Variants in SLC13A3 observed in about 807,000 individuals in gnomAD.
The protein encoded by SLC13A3 is solute carrier family 13 member 3, also known as Na(+)/dicarboxylate cotransporter 3.
In SLC13A3, 40 loss-of-function variants were observed where a neutral mutation model predicts 59.0. The observed-to-expected ratio is 0.68, with a 90% confidence interval of 0.53 to 0.88. The LOEUF (loss-of-function observed/expected upper bound fraction) is 0.88. Among genes scored for constraint, SLC13A3 ranks in the 40% least tolerant of loss-of-function variants. The pLI is 0.00. For missense variants in SLC13A3, 699 were observed against 783.2 expected (o/e 0.89, Z 1.28); for synonymous variants, 317 against 330.3 (o/e 0.96, Z 0.44).
intron 1 of SLC13A3, among the ~76,000 whole-genome samples, chr20:46,622,615 T>TGTGC (rs1411316097): frequency 1.2e-5 from 1 of 86,346 alleles, no homozygotes; most frequent in Non-Finnish European, 2.4e-5. Context: ...TGGTGTGTGG[T>TGTGC]GTGTGCGTGT....
upstream of SLC13A3, among the ~76,000 whole-genome samples, chr20:46,672,968 C>G (rs1439398455): frequency 6.6e-6 from 1 of 152,122 alleles, no homozygotes; most frequent in Admixed American, 6.5e-5. Context: ...CACTCTAATT[C>G]TTGCCCCACA....
intron 1 of SLC13A3, among the ~76,000 whole-genome samples, chr20:46,645,357 G>C (rs1037847043): frequency 6.6e-6 from 1 of 152,160 alleles, no homozygotes; most frequent in Non-Finnish European, 1.5e-5. Context: ...TTAGGACACC[G>C]ACACCTTTGG....
At chr20:46,628,504 C>A (rs1385399321) in intron 1 of SLC13A3, among the ~76,000 whole-genome samples, 3 of 152,118 alleles carry the variant, frequency 2.0e-5, no homozygotes, top group Non-Finnish European at 4.4e-5. Context: ...AAGACAGGTG[C>A]CACAGGGAAG....
chr20:46,625,628 C>T (rs752629277), intron 1 of SLC13A3, among the ~76,000 whole-genome samples: 1 of 152,232 alleles, frequency 6.6e-6, no homozygotes. Context: ...TCAATTCCCA[C>T]ATCCTCTCCA....
At chr20:46,623,483 A>G (rs1316242524) in intron 1 of SLC13A3, among the ~76,000 whole-genome samples, 2 of 152,046 alleles carry the variant, frequency 1.3e-5, no homozygotes, top group East Asian at 3.9e-4. Flanking sequence ...CTCCCATCTC[A>G]GCCTCCCAAG....
rs906113007 is a variant in SLC13A3 at position 46,575,502 on chromosome 20, A to AGCCAG, written c.1332+66_1332+70dup. On this transcript the variant is annotated intron_variant, in intron 10 of 12. Coordinates refer to ENST00000279027, the MANE Select transcript of SLC13A3 (RefSeq NM_022829.6). Reference sequence around the variant, plus strand: ...TCACCTGCTCTGATCCTGGTGCTGCAGCCAGCACTGGGACCCGCCCACACC... The same window carrying AGCCAG: ...TCACCTGCTCTGATCCTGGTGCTGCAGCCAGGCCAGCACTGGGACCCGCCCACACC... The AGCCAG allele has an allele frequency of 3.6e-6, 3 of 841,550 alleles. No individual in the cohort carries two copies. The African/African-American group carries it at 5.1e-5, about 14-fold the overall frequency. 52.1% of individuals were successfully genotyped at this position (841,550 alleles called of 1,614,324 possible). A position where few individuals can be genotyped will look rare whatever the true frequency, so the allele number is the denominator to read the frequency against.
chr20:46,653,517 A>C (rs956832889), upstream of SLC13A3, among the ~76,000 whole-genome samples: 2 of 152,220 alleles, frequency 1.3e-5, no homozygotes, highest in African/African-American at 4.8e-5. Flanking sequence ...AAACAAACAA[A>C]CAAACAAAAA....
Position 46,592,445 on chromosome 20 carries a change from G to T in SLC13A3, c.879C>A (p.Gly293=). Residue 293 remains glycine (G), a synonymous_variant, in exon 6 of 13, where the codon GGC becomes GGA. Coordinates refer to ENST00000279027, the MANE Select transcript of SLC13A3 (RefSeq NM_022829.6). ...CGTACAGGAAGGAGATCCAGAGCCA[G>T]CCTGCCAACAGGAACAACAGCATAA... The part of the protein sequence containing the change: ...FPLMLLFLLA[G]WLWISFLYGG... 6.2e-7 allele frequency: 1 copy of T among 1,613,994 alleles called. No homozygotes were observed. The highest frequency in any genetic ancestry group is 8.5e-7 in the Non-Finnish European group (1 of 1,179,920).
chr20:46,583,325 C>T, intron 9 of SLC13A3: 1 of 1,075,552 alleles, frequency 9.3e-7, no homozygotes, highest in East Asian at 3.6e-5. Flanking sequence ...CTGTGCTTAG[C>T]TCACAGGCTG....
intron 1 of SLC13A3, among the ~76,000 whole-genome samples, chr20:46,628,253 T>C (rs1054679524): frequency 6.6e-6 from 1 of 152,160 alleles, no homozygotes; most frequent in Non-Finnish European, 1.5e-5. Flanking sequence ...TGCAGACTTA[T>C]TTTCTGGGTC....
chr20:46,646,513 T>C (rs1359699175), intron 1 of SLC13A3, among the ~76,000 whole-genome samples: 1 of 152,200 alleles, frequency 6.6e-6, no homozygotes. Context: ...CTTCCCCTAA[T>C]TCTCGTAACA....
intron 9 of SLC13A3, among the ~76,000 whole-genome samples, chr20:46,578,441 C>A (rs2062100525): frequency 1.3e-5 from 2 of 151,696 alleles, no homozygotes; most frequent in African/African-American, 4.8e-5. Flanking sequence ...TTTGGGAGGA[C>A]AAGGTGGGCG....
rs149651829 is a variant in SLC13A3 at position 46,592,108 on chromosome 20, G to A, written c.920+296C>T. Among the ~76,000 whole-genome samples the A allele has an allele frequency of 6.2e-3, 945 of 152,238 alleles. 7 individuals carry two copies. Among genetic ancestry groups the A allele is most frequent in the African/African-American group, 0.021 (889 of 41,524 alleles). On this transcript the variant is annotated intron_variant, in intron 6 of 12. Transcript: ENST00000279027. ...CTTGCCTGTAGTCTCAGCTACTTGGGAGGCTGAGGCCAGAGGAACACTGAA... is the reference window on the plus strand; with the variant it reads ...CTTGCCTGTAGTCTCAGCTACTTGGAAGGCTGAGGCCAGAGGAACACTGAA...
At chr20:46,584,474 A>G in intron 8 of SLC13A3, 1 of 985,480 alleles carries the variant, frequency 1.0e-6, no homozygotes, top group Non-Finnish European at 1.2e-6. Context: ...AACAAAGCCT[A>G]GAGCTCACTG....
intron 3 of SLC13A3, among the ~76,000 whole-genome samples, chr20:46,600,313 G>GAGGGAAGGAA (rs1568929914): frequency 0.026 from 3,232 of 123,836 alleles, 189 homozygotes; most frequent in African/African-American, 0.096. Context: ...GAAAGAAAGA[G>GAGGGAAGGAA]GGAAGGAAGG....
chr20:46,591,776 C>T (rs2062260195), intron 6 of SLC13A3, among the ~76,000 whole-genome samples: 1 of 152,190 alleles, frequency 6.6e-6, no homozygotes, highest in Non-Finnish European at 1.5e-5. Flanking sequence ...CTCCCCTCTT[C>T]TCTGGTCAAG....
intron 6 of SLC13A3, among the ~76,000 whole-genome samples, chr20:46,589,548 G>C (rs546422246): frequency 1.3e-5 from 2 of 152,324 alleles, no homozygotes; most frequent in Admixed American, 6.5e-5. Flanking sequence ...AAAACAGAAA[G>C]TCTAGACACA....
intron 1 of SLC13A3, among the ~76,000 whole-genome samples, chr20:46,621,540 A>C (rs1191155303): frequency 6.6e-6 from 1 of 152,092 alleles, no homozygotes; most frequent in East Asian, 1.9e-4. Flanking sequence ...TTTGTCTTTT[A>C]ATTCCATTTT....
intron 1 of SLC13A3, among the ~76,000 whole-genome samples, chr20:46,637,962 G>A (rs921617258): frequency 2.0e-5 from 3 of 152,190 alleles, no homozygotes; most frequent in Admixed American, 2.0e-4. Context: ...AGAAGTACAG[G>A]TTCCATATCA....
Sources: gnomAD v4.1 joint callset for allele counts (sites outside exome capture counted in the v4.1 genomes callset) on GRCh38, gnomAD v4.1.1 for gene constraint, MANE v1.5 for transcripts, NCBI Gene and HGNC (gene_info 2026-07-23, HGNC 2026-07-21) for gene names.